TACC2: variants seen among roughly 807,000 people sequenced by gnomAD.
The protein encoded by TACC2 is transforming acidic coiled-coil containing protein 2, also known as transforming acidic coiled-coil-containing protein 2.
A neutral mutation model predicts 227.3 loss-of-function variants in TACC2; 137 were observed. That is an observed-to-expected ratio of 0.60 (90% confidence interval 0.52 to 0.69). The LOEUF (loss-of-function observed/expected upper bound fraction) is 0.69, where lower values mean the gene tolerates loss of function less well. TACC2 is among the 30% of genes least tolerant of loss of function. The pLI, the probability that TACC2 is intolerant of heterozygous loss-of-function variation, is 0.00. For missense variants in TACC2, 3,470 were observed against 3,694.4 expected, an observed-to-expected ratio of 0.94 and a Z score of 1.57; for synonymous variants, 1,523 against 1,487.5, an observed-to-expected ratio of 1.02 and a Z score of -0.55.
At chr10:122,172,496 G>A (rs2093522557) in intron 7 of TACC2, among the ~76,000 whole-genome samples, 2 of 152,188 alleles carry the variant, frequency 1.3e-5, no homozygotes, top group African/African-American at 4.8e-5. Flanking sequence ...GGCCCCTGGT[G>A]GAAGCTGCAC....
rs747020874 is a variant in TACC2, at chr10:122,211,002, C to G, written c.6577C>G (p.Leu2193Val). 7 of 1,612,634 alleles carry G rather than the reference C, an allele frequency of 4.3e-6. No individual in the cohort carries two copies. The Admixed American group carries it at 1.2e-4, about 27-fold the overall frequency. The change falls in exon 9 of 23, where the codon CTT becomes GTT. Residue 2193 changes from leucine (L) to valine (V), a missense_variant. Physicochemically the swap from Leu to Val is conservative, Grantham distance 32. Transcript: ENST00000369005. ...CCCAGCCTTATTGGAGGAGACGCCCCTTGAGCCCGCTGTGGGGCCCAAAGC... is the reference window on the plus strand; with the variant it reads ...CCCAGCCTTATTGGAGGAGACGCCCGTTGAGCCCGCTGTGGGGCCCAAAGC... ...PSPALLEETPLEPAVGPKAAC... is the reference protein window; with the variant it reads ...PSPALLEETPVEPAVGPKAAC...
intron 3 of TACC2, among the ~76,000 whole-genome samples, chr10:122,058,115 T>A (rs1470272044): frequency 6.6e-6 from 1 of 152,234 alleles, no homozygotes; most frequent in East Asian, 1.9e-4. Flanking sequence ...TGCGTCACCT[T>A]TTAATGTATA....
rs1201580554 is a variant in TACC2 at position 122,249,482 on chromosome 10, A to T, written c.8661-62A>T. The T allele has an allele frequency of 3.2e-6, 5 of 1,582,492 alleles. No individual in the cohort carries two copies. In the East Asian group the frequency reaches 9.0e-5, roughly 29 times the overall value. On this transcript the variant is annotated intron_variant, in intron 21 of 22. Coordinates refer to ENST00000369005, the MANE Select transcript of TACC2 (RefSeq NM_206862.4). ...CCACTCTCCCTGCCTGGACCTGGGA[A>T]GCAGGAGGTGTCTCTAGTGATCCAC...
At chr10:122,177,950 C>A (rs541735623) in intron 7 of TACC2, among the ~76,000 whole-genome samples, 1 of 152,096 alleles carries the variant, frequency 6.6e-6, no homozygotes. Context: ...CTGCCAAGAT[C>A]GAAGATGGAC....
rs1024739984 is a variant in TACC2, at chr10:122,254,227, G to A, written c.*171G>A. 5 of 696,162 alleles carry A rather than the reference G, an allele frequency of 7.2e-6. No individual in the cohort carries two copies. In the Admixed American group the frequency reaches 8.4e-5, roughly 12 times the overall value. 43.1% of individuals were successfully genotyped at this position (696,162 alleles called of 1,614,324 possible). On this transcript the variant is annotated 3_prime_UTR_variant, in exon 23 of 23. Coordinates refer to ENST00000369005, the MANE Select transcript of TACC2 (RefSeq NM_206862.4). ...GTATGCAGTACTAAGGAGACTATCA[G>A]AATTTCTTGCTATTGGTTTGCATTT...
chr10:122,078,195 C>CAAAAAAAAA (rs1175837364), intron 3 of TACC2, among the ~76,000 whole-genome samples: 1 of 37,654 alleles, frequency 2.7e-5, no homozygotes, highest in African/African-American at 1.1e-4. Flanking sequence ...ACTCCATCTC[C>CAAAAAAAAA]AAAAAAAAAA....
At chr10:122,089,964 C>A (rs1264932616) in intron 5 of TACC2, among the ~76,000 whole-genome samples, 3 of 152,096 alleles carry the variant, frequency 2.0e-5, no homozygotes, top group Non-Finnish European at 4.4e-5. Context: ...CAATTTCCTG[C>A]AGCCTTTGCT....
In TACC2 at chr10:122,150,643, A is replaced by G. The variant is rs2091941534; in HGVS notation, c.5834+6937A>G. Reference sequence around the variant, plus strand: ...CCCCAAACCAAGGGAGGCAGGGCCCAGGGAGGTGGGGTAGGATGGGATATG... The same window carrying G: ...CCCCAAACCAAGGGAGGCAGGGCCCGGGGAGGTGGGGTAGGATGGGATATG... On this transcript the variant is annotated intron_variant, in intron 7 of 22. Coordinates refer to ENST00000369005, the MANE Select transcript of TACC2 (RefSeq NM_206862.4). This position sits in a 1 kb window ranked among gnomAD's most constrained non-coding sequence, Gnocchi z 4.0. 1.3e-5 allele frequency among the ~76,000 whole-genome samples: 2 copies of G among 152,204 alleles called. No homozygotes were observed. The highest frequency in any genetic ancestry group is 1.3e-4 in the Admixed American group (2 of 15,290).
intron 5 of TACC2, among the ~76,000 whole-genome samples, chr10:122,114,303 G>C (rs990976928): frequency 8.5e-5 from 13 of 152,308 alleles, no homozygotes; most frequent in Non-Finnish European, 1.0e-4. Context: ...CCGTTTCCAT[G>C]ATATCTGGAA....
At chr10:122,099,134 C>T (rs1235260333) in intron 5 of TACC2, among the ~76,000 whole-genome samples, 1 of 152,212 alleles carries the variant, frequency 6.6e-6, no homozygotes, top group East Asian at 1.9e-4. Flanking sequence ...CCATTCCAAA[C>T]CCCTAGAGGA....
At chr10:122,214,408 T>C (rs2095359232) in intron 9 of TACC2, among the ~76,000 whole-genome samples, 2 of 152,198 alleles carry the variant, frequency 1.3e-5, no homozygotes, top group Non-Finnish European at 2.9e-5. Flanking sequence ...AGGAAGGAAC[T>C]TGAATGCCAA....
At chr10:122,169,273 CAG>C (rs2093349794) in intron 7 of TACC2, among the ~76,000 whole-genome samples, 1 of 152,206 alleles carries the variant, frequency 6.6e-6, no homozygotes, top group Non-Finnish European at 1.5e-5. Flanking sequence ...TCAGATTCAG[CAG>C]AAACTCTTGT....
chr10:122,140,432 C>A (rs1053547572), intron 6 of TACC2, among the ~76,000 whole-genome samples: 5 of 152,244 alleles, frequency 3.3e-5, no homozygotes, highest in African/African-American at 1.2e-4. Flanking sequence ...AATTCAGCTT[C>A]TTCGTTATTC....
intron 5 of TACC2, among the ~76,000 whole-genome samples, chr10:122,093,311 C>T (rs982826555): frequency 2.0e-5 from 3 of 152,170 alleles, no homozygotes; most frequent in African/African-American, 7.2e-5. Flanking sequence ...CTGAAAGCCT[C>T]ACTGGAGCCG....
chr10:121,995,045 G>A (rs763367290), intron 1 of TACC2, among the ~76,000 whole-genome samples: 1 of 152,188 alleles, frequency 6.6e-6, no homozygotes, highest in African/African-American at 2.4e-5. Context: ...AGTTTCAAAT[G>A]TTTGTGATTC....
At chr10:122,009,855 G>A (rs1166108134) in intron 1 of TACC2, among the ~76,000 whole-genome samples, 3 of 152,128 alleles carry the variant, frequency 2.0e-5, no homozygotes, top group Non-Finnish European at 4.4e-5. Context: ...GAACCTAGGA[G>A]GCGGAGGTTG....
At chr10:122,115,544 G>A (rs2084535020) in intron 5 of TACC2, among the ~76,000 whole-genome samples, 1 of 152,194 alleles carries the variant, frequency 6.6e-6, no homozygotes, top group South Asian at 2.1e-4. Context: ...CTGCACAGCA[G>A]AGAATTGCCT....
At chr10:122,130,092 G>A (rs576042252) in intron 5 of TACC2, among the ~76,000 whole-genome samples, 4 of 152,276 alleles carry the variant, frequency 2.6e-5, no homozygotes, top group African/African-American at 9.6e-5. Flanking sequence ...CTGCCTCCCA[G>A]GTTCAAGTGA....
intron 16 of TACC2, among the ~76,000 whole-genome samples, chr10:122,232,991 A>G (rs2141498452): frequency 6.6e-6 from 1 of 152,308 alleles, no homozygotes; most frequent in South Asian, 2.1e-4. Flanking sequence ...CATAAGCTAG[A>G]GTGGGGAGTG....
Sources: gnomAD v4.1 joint callset for allele counts (sites outside exome capture counted in the v4.1 genomes callset) on GRCh38, gnomAD v4.1.1 for gene constraint, Gnocchi (gnomAD v3.1) non-coding constraint, MANE v1.5 for transcripts, NCBI Gene and HGNC (gene_info 2026-07-23, HGNC 2026-07-21) for gene names.